Variants in GALK2 observed in about 807,000 individuals in gnomAD.
GALK2 encodes galactokinase 2.
A neutral mutation model predicts 52.4 loss-of-function variants in GALK2; 36 were observed. The observed-to-expected ratio is 0.69, with a 90% CI of 0.53 to 0.91. The LOEUF (loss-of-function observed/expected upper bound fraction) is 0.91. Ranked by LOEUF, GALK2 falls within the 40% of genes least tolerant of loss-of-function variation. The pLI, the probability that GALK2 is intolerant of heterozygous loss-of-function variation, is 0.00. For synonymous variants in GALK2, 176 were observed against 199.1 expected, an observed-to-expected ratio of 0.88 and a Z score of 0.98; for missense variants, 579 against 559.1, an observed-to-expected ratio of 1.04 and a Z score of -0.36.
At chr15:49,261,364 T>C (rs959761922) in intron 5 of GALK2, among the ~76,000 whole-genome samples, 3 of 146,392 alleles carry the variant, frequency 2.0e-5, no homozygotes, top group Non-Finnish European at 4.5e-5. Context: ...TTTAGCTGTC[T>C]GTTTGTCTGT....
intron 1 of GALK2, among the ~76,000 whole-genome samples, chr15:49,193,000 T>C (rs867333971): frequency 0.13 from 18,450 of 142,400 alleles, 1,431 homozygotes; most frequent in Middle Eastern, 0.24. Context: ...TTTATACCTT[T>C]TTTTTTTTTT....
Position 49,192,997 on chromosome 15 carries a change from C to CTTTTTTTTTT in GALK2, c.54-8154_54-8145dup, listed in dbSNP as rs35231463. On this transcript the variant is annotated intron_variant, in intron 1 of 9. Coordinates refer to ENST00000560031, the MANE Select transcript of GALK2 (RefSeq NM_002044.4). The stretch of plus-strand genomic sequence containing the variant: ...TTTGTTATGAATTTTCTGTTTATAC[C>CTTTTTTTTTT]TTTTTTTTTTTTTTTTTTTTGATGG... Among the ~76,000 whole-genome samples, 5 of 67,076 alleles carry CTTTTTTTTTT rather than the reference C, an allele frequency of 7.5e-5. 1 individual carries two copies. The highest frequency in any genetic ancestry group is 5.9e-5 in the Non-Finnish European group (2 of 33,650). 44.0% of individuals were successfully genotyped at this position (67,076 alleles called of 152,430 possible).
chr15:49,265,965 A>C lies in GALK2; in HGVS notation c.505-16022A>C, dbSNP rs141062576. On this transcript the variant is annotated intron_variant, in intron 5 of 9. Transcript: ENST00000560031. ...TGTCAGTTAGCTTTTGCTGTGTAAC[A>C]ATTTTTTTCGAAATATAGTGGCTTA... Among the ~76,000 whole-genome samples, 194 of 152,320 alleles carry C rather than the reference A, an allele frequency of 1.3e-3. 2 individuals are homozygous for C. Among genetic ancestry groups the C allele is most frequent in the African/African-American group, 4.6e-3 (192 of 41,576 alleles).
chr15:49,224,850 A>G (rs901885045), intron 3 of GALK2, among the ~76,000 whole-genome samples: 10 of 152,206 alleles, frequency 6.6e-5, no homozygotes, highest in African/African-American at 2.4e-4. Flanking sequence ...ACTGTGGTTT[A>G]AATGGAGGAT....
intron 2 of GALK2, among the ~76,000 whole-genome samples, chr15:49,211,731 G>A (rs1232110484): frequency 1.3e-5 from 2 of 152,196 alleles, no homozygotes; most frequent in Admixed American, 6.5e-5. Flanking sequence ...GCAGGAGGAC[G>A]AGAGGGAGGG....
At chr15:49,236,110 G>C (rs375160862) in intron 4 of GALK2, among the ~76,000 whole-genome samples, 169 bp downstream of exon 4, 1 of 152,234 alleles carries the variant, frequency 6.6e-6, no homozygotes, top group South Asian at 2.1e-4. Context: ...ACTGTTTTGG[G>C]GTGGTGTTCA....
intron 3 of GALK2, among the ~76,000 whole-genome samples, chr15:49,231,368 C>G (rs908270730): frequency 6.6e-6 from 1 of 152,170 alleles, no homozygotes; most frequent in African/African-American, 2.4e-5. Flanking sequence ...GATCCAATCA[C>G]TTTCCACCAG....
At chr15:49,350,531 T>C (rs752229359) in intron 3 of GALK2, among the ~76,000 whole-genome samples, 1 of 152,142 alleles carries the variant, frequency 6.6e-6, no homozygotes, top group East Asian at 1.9e-4. Flanking sequence ...GTTATAAGAA[T>C]AGTGGGGGAA....
chr15:49,196,656 CTG>C (rs1324117096), intron 1 of GALK2, among the ~76,000 whole-genome samples: 1 of 152,114 alleles, frequency 6.6e-6, no homozygotes, highest in African/African-American at 2.4e-5. Flanking sequence ...AGTCTTTTCT[CTG>C]TGTTTTTGGA....
At chr15:49,167,715 T>C (rs1316473637), upstream of GALK2, among the ~76,000 whole-genome samples, 1 of 152,224 alleles carries the variant, frequency 6.6e-6, no homozygotes, top group Non-Finnish European at 1.5e-5. Flanking sequence ...AGGAATATCT[T>C]CTTGAAATTG....
intron 6 of GALK2, 63 bp from the exon 7 acceptor site, chr15:49,283,503 A>G: frequency 7.1e-7 from 1 of 1,399,058 alleles, no homozygotes; most frequent in Admixed American, 1.9e-5. Flanking sequence ...TAAATACATA[A>G]ACACTTGAAC....
intron 2 of GALK2, among the ~76,000 whole-genome samples, chr15:49,213,763 C>T (rs563778994): frequency 1.6e-3 from 239 of 152,208 alleles, no homozygotes; most frequent in African/African-American, 5.5e-3. Context: ...TCTCTTCCTT[C>T]CTTCTTGTCT....
intron 9 of GALK2, among the ~76,000 whole-genome samples, chr15:49,322,960 TAAAA>T (rs548865053): frequency 4.4e-5 from 3 of 68,164 alleles, no homozygotes; most frequent in Non-Finnish European, 3.1e-5. Flanking sequence ...CCATCTCAGG[TAAAA>T]AAAAAAAAAA....
intron 5 of GALK2, among the ~76,000 whole-genome samples, chr15:49,264,645 C>T (rs866134497): frequency 5.3e-5 from 8 of 152,214 alleles, no homozygotes; most frequent in South Asian, 4.2e-4. Flanking sequence ...GGAGGAGAGG[C>T]GCTCTGCTTT....
chr15:49,167,226 A>G (rs938028971), upstream of GALK2, among the ~76,000 whole-genome samples: 1 of 152,252 alleles, frequency 6.6e-6, no homozygotes, highest in African/African-American at 2.4e-5. Context: ...ACTCCATCAT[A>G]ATATACCATT....
intron 5 of GALK2, among the ~76,000 whole-genome samples, chr15:49,261,739 C>T (rs1386631432): frequency 2.0e-5 from 3 of 151,944 alleles, no homozygotes; most frequent in Non-Finnish European, 4.4e-5. Context: ...TGAAATACAT[C>T]CCATCAATAC....
In GALK2 at chr15:49,364,160, A is replaced by G. The variant is rs150490502; in HGVS notation, c.427-3331A>G. ...GTTAGGAAAGAGTCCCTCCTCCTCAATGTTTTGGAATAGTTTCAGTAGGAA... is the reference window on the plus strand; with the variant it reads ...GTTAGGAAAGAGTCCCTCCTCCTCAGTGTTTTGGAATAGTTTCAGTAGGAA... On this transcript the variant is annotated intron_variant, in intron 3 of 3. Transcript: ENST00000558399. Among the ~76,000 whole-genome samples, 856 of 152,186 alleles carry G rather than the reference A, an allele frequency of 5.6e-3. 6 individuals are homozygous for G. Among genetic ancestry groups the G allele is most frequent in the African/African-American group, 0.02 (815 of 41,528 alleles).
Position 49,342,126 on chromosome 15 carries a change from C to T in GALK2, c.426+22321C>T, listed in dbSNP as rs558053897. The stretch of plus-strand genomic sequence containing the variant: ...GATGATCTGCATTATGTTGTCAGTA[C>T]GGTGTTGAAGTTCCCCGTCCCATTA... On this transcript the variant is annotated intron_variant, in intron 3 of 3. Coordinates refer to the GALK2 transcript ENST00000558399. 1.7e-3 allele frequency among the ~76,000 whole-genome samples: 262 copies of T among 152,132 alleles called. 5 individuals carry two copies. In the South Asian group the frequency reaches 0.028, roughly 16 times the overall value.
chr15:49,208,214 G>T (rs2088485934), intron 2 of GALK2, among the ~76,000 whole-genome samples: 1 of 152,060 alleles, frequency 6.6e-6, no homozygotes, highest in Non-Finnish European at 1.5e-5. Flanking sequence ...GTTTGTTCTT[G>T]TTTCTTTAGT....
Sources: gnomAD v4.1 joint callset for allele counts (sites outside exome capture counted in the v4.1 genomes callset) on GRCh38, gnomAD v4.1.1 for gene constraint, MANE v1.5 for transcripts, NCBI Gene and HGNC (gene_info 2026-07-23, HGNC 2026-07-21) for gene names.